Variants in NLRP4 observed in about 807,000 individuals in gnomAD.
The protein encoded by NLRP4 is NLR family pyrin domain containing 4.
A neutral mutation model predicts 84.7 loss-of-function variants in NLRP4; 44 were observed. The ratio of observed to expected loss-of-function variants is 0.52; its 90% CI spans 0.41 to 0.67. The LOEUF is 0.67. Ranked by LOEUF, NLRP4 falls within the 30% of genes least tolerant of loss-of-function variation. NLRP4 has a pLI of 0.00. For missense variants in NLRP4, 1,260 were observed against 1,219.4 expected, an observed-to-expected ratio of 1.03 and a Z score of -0.50; for synonymous variants, 544 against 476.4, an observed-to-expected ratio of 1.14 and a Z score of -1.85.
At chr19:55,857,520 T>G in intron 2 of NLRP4, 154 bp from the exon 3 acceptor site, 2 of 639,396 alleles carry the variant, frequency 3.1e-6, no homozygotes, top group Non-Finnish European at 5.4e-6. Flanking sequence ...TGAGTTCTAA[T>G]GAAACTTTAT....
chr19:55,847,887 T>A (rs552901725), intron 1 of NLRP4, among the ~76,000 whole-genome samples: 12 of 152,108 alleles, frequency 7.9e-5, no homozygotes, highest in East Asian at 5.8e-4. Context: ...GCTAATTTTT[T>A]AATATTTTTA....
At chr19:55,878,394 A>G (rs1464265902) in intron 8 of NLRP4, among the ~76,000 whole-genome samples, 1 of 152,144 alleles carries the variant, frequency 6.6e-6, no homozygotes, top group African/African-American at 2.4e-5. Context: ...CACTTCAGCC[A>G]GGATGACAGA....
intron 1 of NLRP4, among the ~76,000 whole-genome samples, chr19:55,840,026 A>G (rs2122989606): frequency 6.6e-6 from 1 of 152,226 alleles, no homozygotes; most frequent in Middle Eastern, 3.4e-3. Flanking sequence ...TCTGACTTAA[A>G]TTATGATCAG....
In NLRP4 at chr19:55,881,671, A is replaced by G. The variant is rs2123078223; in HGVS notation, c.*84A>G. ...ACTTACATGACACTGCACCCAGGAG[A>G]TACAAATCATTGATACTCTGAGTTG... On this transcript the variant is annotated 3_prime_UTR_variant, in exon 10 of 10. Transcript: ENST00000301295. The G allele has an allele frequency of 7.5e-6, 5 of 667,262 alleles. No homozygotes were observed. In the East Asian group the frequency reaches 1.3e-4, roughly 18 times the overall value. 41.3% of individuals were successfully genotyped at this position (667,262 alleles called of 1,614,324 possible).
chr19:55,870,622 C>T (rs915062446), intron 6 of NLRP4, among the ~76,000 whole-genome samples: 2 of 152,166 alleles, frequency 1.3e-5, no homozygotes, highest in Non-Finnish European at 2.9e-5. Flanking sequence ...AAGATCGCGC[C>T]GTTGCATTCC....
At chr19:55,846,557 T>G (rs1335295363) in intron 1 of NLRP4, among the ~76,000 whole-genome samples, 1 of 152,168 alleles carries the variant, frequency 6.6e-6, no homozygotes, top group East Asian at 1.9e-4. Context: ...TTAACTGACA[T>G]TATATATAAC....
intron 3 of NLRP4, among the ~76,000 whole-genome samples, chr19:55,859,708 A>G (rs1334302139): frequency 6.6e-6 from 1 of 151,874 alleles, no homozygotes; most frequent in Non-Finnish European, 1.5e-5. Flanking sequence ...CAGGTGGATC[A>G]CTTAAGGTCA....
At chr19:55,879,635 C>T (rs1985510492) in intron 9 of NLRP4, among the ~76,000 whole-genome samples, 2 of 152,196 alleles carry the variant, frequency 1.3e-5, no homozygotes, top group Admixed American at 1.3e-4. Flanking sequence ...GCTCTTTTCA[C>T]TGGCGCAGCT....
chr19:55,848,516 G>T (rs1243389649), intron 1 of NLRP4, among the ~76,000 whole-genome samples: 1 of 152,056 alleles, frequency 6.6e-6, no homozygotes, highest in Non-Finnish European at 1.5e-5. Context: ...TGATTCCCCT[G>T]CCTCAGCCTC....
At position 55,843,904 on chromosome 19, in the gene NLRP4, C is replaced by T. The variant is rs568844304; in HGVS notation, c.-66+6970C>T. Among the ~76,000 whole-genome samples, 4 of 152,148 alleles carry T rather than the reference C, an allele frequency of 2.6e-5. 1 individual carries two copies. In the South Asian group the frequency reaches 8.3e-4, roughly 32 times the overall value. ...CCCTTTTCATCCTTAGTCTCTTGTC[C>T]TCTCTTCTGTGCTTTTCATCTTTTT... On this transcript the variant is annotated intron_variant, in intron 1 of 9. Transcript: ENST00000301295.
intron 2 of NLRP4, among the ~76,000 whole-genome samples, chr19:55,853,889 T>TTCTC (rs145906779): frequency 0.027 from 3,530 of 132,350 alleles, 370 homozygotes; most frequent in African/African-American, 0.12. Flanking sequence ...TGCTATCTCT[T>TTCTC]TCTCTCTCTC....
At chr19:55,857,549 C>T in intron 2 of NLRP4, 125 bp from the exon 3 acceptor site, 2 of 750,196 alleles carry the variant, frequency 2.7e-6, no homozygotes, top group South Asian at 1.8e-5. Context: ...GGAGACTGAC[C>T]AGGTTTGGCC....
intron 1 of NLRP4, 143 bp from the exon 2 acceptor site, chr19:55,851,873 A>T (rs930937888): frequency 5.7e-6 from 3 of 529,988 alleles, no homozygotes; most frequent in Non-Finnish European, 9.8e-6. Flanking sequence ...TTTCATGACC[A>T]TTTGAATGAG....
intron 8 of NLRP4, 74 bp from the exon 9 acceptor site, chr19:55,878,720 C>A: frequency 7.4e-7 from 1 of 1,352,012 alleles, no homozygotes; most frequent in Non-Finnish European, 1.0e-6. Flanking sequence ...CTCAACTAGA[C>A]GTCTAGCTCA....
intron 7 of NLRP4, among the ~76,000 whole-genome samples, chr19:55,876,622 C>T (rs1461303608): frequency 7.2e-5 from 11 of 152,098 alleles, no homozygotes; most frequent in Admixed American, 7.2e-4. Context: ...CTCAGCCTCC[C>T]GAACTGCTGG....
chr19:55,849,831 A>AAGCTGTGGTGTAATTTCCGT lies in NLRP4; in HGVS notation c.-65-2180_-65-2179insTGGTGTAATTTCCGTAGCTG, dbSNP rs1983950149. ...TTCCAAAGCTGCGGTGTAATTTCCG[A>AAGCTGTGGTGTAATTTCCGT]AGCTGCGGTGTAATTTCCGAGACTG... On this transcript the variant is annotated intron_variant, in intron 1 of 9. Transcript: ENST00000301295. 3.5e-5 allele frequency among the ~76,000 whole-genome samples: 4 copies of AAGCTGTGGTGTAATTTCCGT among 114,656 alleles called. 1 individual carries two copies. Among genetic ancestry groups the AAGCTGTGGTGTAATTTCCGT allele is most frequent in the East Asian group, 2.4e-4 (1 of 4,198 alleles). 75.2% of individuals were successfully genotyped at this position (114,656 alleles called of 152,430 possible).
At chr19:55,841,868 A>G (rs1285001362) in intron 1 of NLRP4, among the ~76,000 whole-genome samples, 1 of 152,066 alleles carries the variant, frequency 6.6e-6, no homozygotes, top group Non-Finnish European at 1.5e-5. Flanking sequence ...CTGTCTCAAG[A>G]AAAAAAAGGT....
intron 1 of NLRP4, among the ~76,000 whole-genome samples, chr19:55,839,563 C>T (rs1983529412): frequency 6.7e-6 from 1 of 148,462 alleles, no homozygotes; most frequent in South Asian, 2.1e-4. Context: ...TATATTTGAA[C>T]AAAATTATCA....
At chr19:55,879,913 CATTT>C in intron 9 of NLRP4, among the ~76,000 whole-genome samples, 1 of 95,096 alleles carries the variant, frequency 1.1e-5, no homozygotes, top group East Asian at 4.2e-4. Context: ...ATAAGTATAA[CATTT>C]ATAAATAGAA....
Sources: allele counts gnomAD v4.1 joint callset (sites outside exome capture counted in the v4.1 genomes callset), GRCh38; gene constraint gnomAD v4.1.1; transcripts MANE v1.5; gene names NCBI Gene and HGNC (gene_info 2026-07-23, HGNC 2026-07-21).